SLC35D1: variants seen among roughly 807,000 people sequenced by gnomAD.
The protein encoded by SLC35D1 is nucleotide sugar transporter SLC35D1.
A neutral mutation model predicts 46.7 loss-of-function variants in SLC35D1; 31 were observed. The ratio of observed to expected loss-of-function variants is 0.66; its 90% CI spans 0.50 to 0.90. SLC35D1 has a LOEUF of 0.90. SLC35D1 is among the 40% of genes least tolerant of loss of function. SLC35D1 has a pLI of 0.00. For synonymous variants in SLC35D1, 195 were observed against 164.6 expected, an observed-to-expected ratio of 1.18 and a Z score of -1.41; for missense variants, 397 against 426.2, an observed-to-expected ratio of 0.93 and a Z score of 0.60.
At chr1:66,984,651 A>G in the SLC35D1 span, 7 of 1,613,834 alleles carry the variant, frequency 4.3e-6, no homozygotes, top group African/African-American at 8.0e-5. Context: ...ATGGACCAAC[A>G]GGTGGAAATA....
In SLC35D1 at chr1:67,009,096, A is replaced by G. The variant is rs1570607481; in HGVS notation, c.948T>C (p.Gly316=). ...ATATTTTTACTTACCTGATATTTAA[A>G]CCAATGAAGTTTGTCCACGTGAAAA... ...DYIFTWTNFI[G]LNISIAGSLV... Residue 316 remains glycine (G), a synonymous_variant, in exon 11 of 12, where the codon GGT becomes GGC. Coordinates refer to ENST00000235345, the MANE Select transcript of SLC35D1 (RefSeq NM_015139.3). 1.3e-6 allele frequency: 2 copies of G among 1,485,220 alleles called. No individual in the cohort carries two copies. Among genetic ancestry groups the G allele is most frequent in the Non-Finnish European group, 9.4e-7 (1 of 1,065,844 alleles). The allele number at this position is 1,485,220 out of a possible 1,614,324, so 92.0% of individuals were successfully genotyped here. A position where few individuals can be genotyped will look rare whatever the true frequency, so the allele number is the denominator to read the frequency against.
intron 6 of SLC35D1, 50 bp downstream of exon 6, chr1:67,049,732 C>A (rs1305984971): frequency 1.4e-6 from 2 of 1,479,812 alleles, no homozygotes; most frequent in Admixed American, 3.4e-5. Context: ...CATTTATTAT[C>A]AATAATTATT....
At chr1:67,016,137 A>G (rs1466383794) in intron 10 of SLC35D1, among the ~76,000 whole-genome samples, 1 of 152,096 alleles carries the variant, frequency 6.6e-6, no homozygotes, top group African/African-American at 2.4e-5. Context: ...TGTTATTAAT[A>G]TATGTTCTAA....
At chr1:67,047,838 T>C (rs2273681) in intron 6 of SLC35D1, among the ~76,000 whole-genome samples, 5,374 of 152,194 alleles carry the variant, frequency 0.035, 243 homozygotes, top group East Asian at 0.22. Flanking sequence ...GTGTGGATCA[T>C]GGTTAGTTCT....
At position 67,003,303 on chromosome 1, in the gene SLC35D1, C is replaced by T. The variant is rs1013654914; in HGVS notation, c.*1037G>A. 1 of 152,366 alleles carries T rather than the reference C, an allele frequency of 6.6e-6. No homozygotes were observed. The highest frequency in any genetic ancestry group is 2.4e-5 in the African/African-American group (1 of 41,454). The allele number at this position is 152,366 out of a possible 1,614,324, so 9.4% of individuals were successfully genotyped here. ...AACAGACTTGCCTGTCTGCAATTTT[C>T]ACTTAGAGAGGGAGTCAATGCTGAG... On this transcript the variant is annotated 3_prime_UTR_variant, in exon 12 of 12. Coordinates refer to ENST00000235345, the MANE Select transcript of SLC35D1 (RefSeq NM_015139.3).
intron 11 of SLC35D1, chr1:67,008,450 G>A (rs1469164100): frequency 7.8e-7 from 1 of 1,288,192 alleles, no homozygotes; most frequent in Non-Finnish European, 1.0e-6. Flanking sequence ...AGATACAGCT[G>A]GGAGACACCA....
At chr1:67,020,342 A>G in intron 10 of SLC35D1, 27 bp downstream of exon 10, 8 of 1,446,938 alleles carry the variant, frequency 5.5e-6, no homozygotes, top group Non-Finnish European at 7.8e-6. Flanking sequence ...TGCAGGTACC[A>G]AAAGCTAACA....
chr1:67,053,234 C>G (rs959618463), intron 1 of SLC35D1, among the ~76,000 whole-genome samples: 2 of 151,912 alleles, frequency 1.3e-5, no homozygotes, highest in African/African-American at 4.8e-5. Flanking sequence ...AGTCCGCTGC[C>G]TGCAAAGGAT....
the SLC35D1 span, among the ~76,000 whole-genome samples, chr1:66,983,408 G>A: frequency 1.3e-5 from 2 of 152,074 alleles, no homozygotes; most frequent in Non-Finnish European, 2.9e-5. Flanking sequence ...CAGTATTTGA[G>A]GCTCATCCTT....
intron 8 of SLC35D1, among the ~76,000 whole-genome samples, chr1:67,036,937 TTATCTATCTGTTG>T (rs1182196455): frequency 3.9e-5 from 6 of 152,114 alleles, no homozygotes; most frequent in Non-Finnish European, 7.4e-5. Context: ...TTTTCATTTT[TTATCTATCTGTTG>T]TATGCTTTTT....
At chr1:67,022,919 T>G (rs1307181784) in intron 8 of SLC35D1, among the ~76,000 whole-genome samples, 1 of 152,212 alleles carries the variant, frequency 6.6e-6, no homozygotes, top group Non-Finnish European at 1.5e-5. Flanking sequence ...TTCCTACAAG[T>G]GGAATTGTAT....
chr1:67,006,466 A>G (rs1166213860), intron 11 of SLC35D1, among the ~76,000 whole-genome samples: 1 of 146,774 alleles, frequency 6.8e-6, no homozygotes, highest in Non-Finnish European at 1.5e-5. Flanking sequence ...CTTTCATCCT[A>G]CCTTCCTCTA....
chr1:67,042,789 T>C (rs1202146579), intron 7 of SLC35D1, among the ~76,000 whole-genome samples: 1 of 152,194 alleles, frequency 6.6e-6, no homozygotes, highest in Non-Finnish European at 1.5e-5. Flanking sequence ...TGAGGCCGGA[T>C]ACGGTGGCTC....
rs1174903828 is a variant in SLC35D1, at chr1:67,001,051, C to A, written c.*3289G>T. On this transcript the variant is annotated 3_prime_UTR_variant, in exon 12 of 12. Coordinates refer to ENST00000235345, the MANE Select transcript of SLC35D1 (RefSeq NM_015139.3). Reference sequence around the variant, plus strand: ...ATATCTGGCTAAAGAATTACACACTCCTTGAAAGCAAGAACCATGTCTTGT... The same window carrying A: ...ATATCTGGCTAAAGAATTACACACTACTTGAAAGCAAGAACCATGTCTTGT... 6.6e-6 allele frequency: 1 copy of A among 152,294 alleles called. No individual in the cohort carries two copies. The highest frequency in any genetic ancestry group is 1.5e-5 in the Non-Finnish European group (1 of 68,050). 9.4% of individuals were successfully genotyped at this position (152,294 alleles called of 1,614,324 possible). A position where few individuals can be genotyped will look rare whatever the true frequency, so the allele number is the denominator to read the frequency against.
intron 8 of SLC35D1, among the ~76,000 whole-genome samples, chr1:67,034,805 T>C (rs777793734): frequency 1.3e-5 from 2 of 152,198 alleles, no homozygotes; most frequent in African/African-American, 2.4e-5. Context: ...AGTATGATAC[T>C]ACCCATTCAT....
At chr1:66,987,013 ACT>A in the SLC35D1 span, 1 of 152,242 alleles carries the variant, frequency 6.6e-6, no homozygotes, top group African/African-American at 2.4e-5. Flanking sequence ...GTTCTTGCAA[ACT>A]CTTACTACAG....
intron 11 of SLC35D1, among the ~76,000 whole-genome samples, chr1:67,008,163 G>A (rs933641615): frequency 7.2e-5 from 11 of 152,158 alleles, no homozygotes; most frequent in South Asian, 4.2e-4. Context: ...TTGTTGGGAC[G>A]GAGTCTCACT....
chr1:66,985,796 T>G, the SLC35D1 span: 1 of 890,552 alleles, frequency 1.1e-6, no homozygotes, highest in Non-Finnish European at 1.3e-6. Context: ...GGTTAAAGCA[T>G]TCATAAAGGA....
chr1:67,050,354 A>G, intron 5 of SLC35D1, 79 bp downstream of exon 5: 1 of 1,104,332 alleles, frequency 9.1e-7, no homozygotes, highest in Non-Finnish European at 1.4e-6. Flanking sequence ...GGAACAAGAC[A>G]AATAATTTAA....
Sources: allele counts gnomAD v4.1 joint callset (sites outside exome capture counted in the v4.1 genomes callset), GRCh38; gene constraint gnomAD v4.1.1; transcripts MANE v1.5; gene names NCBI Gene and HGNC (gene_info 2026-07-23, HGNC 2026-07-21).